RNF130: variants seen among roughly 807,000 people sequenced by gnomAD.
RNF130 encodes E3 ubiquitin-protein ligase RNF130.
Under a neutral mutation model 44.6 loss-of-function variants are expected in RNF130, and 21 were observed. That is an observed-to-expected ratio of 0.47 (90% CI 0.33 to 0.68). The LOEUF (loss-of-function observed/expected upper bound fraction) is 0.68. Among genes scored for constraint, RNF130 ranks in the 30% least tolerant of loss-of-function variants. The pLI, the probability that RNF130 is intolerant of heterozygous loss-of-function variation, is 0.02. For synonymous variants in RNF130, 214 were observed against 210.4 expected (o/e 1.02, Z -0.15); for missense variants, 479 against 560.6 (o/e 0.85, Z 1.47).
chr5:179,934,097 C>T (rs369137198), intron 7 of RNF130: 24 of 243,268 alleles, frequency 9.9e-5, no homozygotes, highest in African/African-American at 4.6e-4. Flanking sequence ...AACCGGAAGA[C>T]GACTTTGAAG....
intron 7 of RNF130, chr5:179,934,244 A>G (rs1056796114): frequency 2.4e-5 from 4 of 166,690 alleles, no homozygotes; most frequent in Non-Finnish European, 5.2e-5. Context: ...ATTTTAAAGT[A>G]TACGGTTCAG....
Position 179,955,564 on chromosome 5 carries a change from G to A in RNF130, c.*90C>T. On this transcript the variant is annotated 3_prime_UTR_variant, in exon 9 of 9. Coordinates refer to ENST00000521389, the MANE Select transcript of RNF130 (RefSeq NM_018434.6). Reference sequence around the variant, plus strand: ...AAAATAAAATGTACTAAAAATAAATGCTTGTGTGGCATGATTGGTAAATGA... The same window carrying A: ...AAAATAAAATGTACTAAAAATAAATACTTGTGTGGCATGATTGGTAAATGA... 1.9e-6 allele frequency: 2 copies of A among 1,046,174 alleles called. No homozygotes were observed. Among genetic ancestry groups the A allele is most frequent in the Non-Finnish European group, 2.8e-6 (2 of 707,894 alleles). The allele number at this position is 1,046,174 out of a possible 1,614,324, so 64.8% of individuals were successfully genotyped here.
intron 1 of RNF130, among the ~76,000 whole-genome samples, chr5:180,061,292 G>A (rs749393202): frequency 5.9e-5 from 9 of 152,120 alleles, no homozygotes; most frequent in Non-Finnish European, 1.0e-4. Flanking sequence ...AACAACTGAC[G>A]TGACTTCAGG....
chr5:179,946,576 C>T (rs1211609825), intron 7 of RNF130, among the ~76,000 whole-genome samples: 19 of 145,288 alleles, frequency 1.3e-4, no homozygotes, highest in African/African-American at 2.4e-4. Context: ...TTTTTTGAGA[C>T]GGAGTCTCGC....
At chr5:179,967,727 A>C (rs1439780700) in intron 6 of RNF130, among the ~76,000 whole-genome samples, 1 of 152,172 alleles carries the variant, frequency 6.6e-6, no homozygotes. Flanking sequence ...CACAGCTGGG[A>C]GGGGTGGTTG....
intron 7 of RNF130, among the ~76,000 whole-genome samples, chr5:179,932,645 C>T (rs939475933): frequency 6.6e-6 from 1 of 151,818 alleles, no homozygotes; most frequent in Non-Finnish European, 1.5e-5. Flanking sequence ...CAAGACCAGC[C>T]TGGCCAACAT....
downstream of RNF130, among the ~76,000 whole-genome samples, chr5:179,951,934 A>C (rs983607051): frequency 1.3e-5 from 2 of 152,188 alleles, no homozygotes; most frequent in African/African-American, 4.8e-5. Context: ...TTATAGCTAT[A>C]AACAACTACA....
At chr5:179,987,498 G>T (rs900893777) in intron 3 of RNF130, among the ~76,000 whole-genome samples, 1 of 152,152 alleles carries the variant, frequency 6.6e-6, no homozygotes, top group Non-Finnish European at 1.5e-5. Flanking sequence ...TGACTGCTCC[G>T]GCTATGACTT....
intron 7 of RNF130, among the ~76,000 whole-genome samples, chr5:179,945,541 CT>C (rs1470641842): frequency 6.6e-6 from 1 of 152,128 alleles, no homozygotes; most frequent in Admixed American, 6.6e-5. Context: ...GTTACAGTGA[CT>C]TTTATTCCAC....
At chr5:180,034,381 C>G (rs1764202145) in intron 2 of RNF130, among the ~76,000 whole-genome samples, 1 of 152,102 alleles carries the variant, frequency 6.6e-6, no homozygotes, top group Non-Finnish European at 1.5e-5. Flanking sequence ...TAAAAACCAG[C>G]TCCACAGAAT....
intron 3 of RNF130, among the ~76,000 whole-genome samples, chr5:179,990,655 A>G (rs1763059371): frequency 6.6e-6 from 1 of 152,170 alleles, no homozygotes. Flanking sequence ...AGCTACCGCT[A>G]GACCATGGTC....
chr5:180,017,466 C>T (rs764770593), intron 2 of RNF130, among the ~76,000 whole-genome samples: 3 of 152,212 alleles, frequency 2.0e-5, no homozygotes, highest in Non-Finnish European at 4.4e-5. Flanking sequence ...AAAAACCTTT[C>T]ACTCAATGCT....
At chr5:180,069,963 C>G (rs1279639543) in intron 1 of RNF130, among the ~76,000 whole-genome samples, 2 of 152,188 alleles carry the variant, frequency 1.3e-5, no homozygotes, top group East Asian at 1.9e-4. Flanking sequence ...GAGGAAGGAT[C>G]TGAAGTTCAG....
rs376740742 is a variant in RNF130, at chr5:179,982,920, G to T, written c.694-2720C>A. On this transcript the variant is annotated intron_variant, in intron 3 of 8. Coordinates refer to ENST00000521389, the MANE Select transcript of RNF130 (RefSeq NM_018434.6). ...TTAATTTGCATTTCCCTATTGTAAT[G>T]ATGTTGACCATCTTTTCATGTACTT... 2.0e-5 allele frequency among the ~76,000 whole-genome samples: 3 copies of T among 152,224 alleles called. No individual in the cohort carries two copies. The East Asian group carries it at 5.8e-4, about 29-fold the overall frequency.
downstream of RNF130, among the ~76,000 whole-genome samples, chr5:179,951,792 T>A (rs553225018): frequency 2.6e-5 from 4 of 151,978 alleles, no homozygotes; most frequent in South Asian, 2.1e-4. Flanking sequence ...TATGAACACA[T>A]AGGATTCAAA....
At chr5:179,912,439 A>C (rs915270280) in exon 8 of RNF130, 2 of 152,254 alleles carry the variant, frequency 1.3e-5, no homozygotes, top group African/African-American at 2.4e-5. Flanking sequence ...TCTCTGCAGC[A>C]GATCTGGTCC....
intron 1 of RNF130, among the ~76,000 whole-genome samples, chr5:180,048,888 T>C (rs886740416): frequency 6.6e-6 from 1 of 152,206 alleles, no homozygotes; most frequent in East Asian, 1.9e-4. Context: ...GTATGTAATT[T>C]AAGCTCTTCA....
intron 2 of RNF130, among the ~76,000 whole-genome samples, chr5:180,021,857 C>T (rs527261377): frequency 6.4e-4 from 98 of 152,264 alleles, no homozygotes; most frequent in South Asian, 2.7e-3. Context: ...CAAGCTTCTG[C>T]GACTTTCCCA....
chr5:179,982,744 T>G (rs1198678335), intron 3 of RNF130, among the ~76,000 whole-genome samples: 1 of 152,162 alleles, frequency 6.6e-6, no homozygotes, highest in Non-Finnish European at 1.5e-5. Context: ...CATGACCAAC[T>G]GATTTTTTAT....
Sources: gnomAD v4.1 joint callset for allele counts (sites outside exome capture counted in the v4.1 genomes callset) on GRCh38, gnomAD v4.1.1 for gene constraint, MANE v1.5 for transcripts, NCBI Gene and HGNC (gene_info 2026-07-23, HGNC 2026-07-21) for gene names.